Variants in UQCRB observed in about 807,000 individuals in gnomAD.
UQCRB encodes the protein cytochrome b-c1 complex subunit 7.
UQCRB carries 12 observed loss-of-function variants against 19.8 expected under a neutral mutation model. The ratio of observed to expected loss-of-function variants is 0.61; its 90% CI spans 0.39 to 0.98. The LOEUF is 0.98. UQCRB is among the 50% of genes least tolerant of loss of function. The pLI is 0.00. For synonymous variants in UQCRB, 39 were observed against 42.9 expected, an observed-to-expected ratio of 0.91 and a Z score of 0.35; for missense variants, 142 against 131.8, an observed-to-expected ratio of 1.08 and a Z score of -0.38.
chr8:96,227,802 TTAAAG>T lies in UQCRB; in HGVS notation c.*3248_*3252del, dbSNP rs1255329815. The stretch of plus-strand genomic sequence containing the variant: ...GAGTTAATGCTTGAAAAGGGAGTCC[TTAAAG>T]TAAATAACTAAATGAAATCACTACC... On this transcript the variant is annotated 3_prime_UTR_variant, in exon 4 of 4. Coordinates refer to ENST00000287022, the MANE Select transcript of UQCRB (RefSeq NM_006294.5). 4.4e-6 allele frequency: 2 copies of T among 453,548 alleles called. No individual in the cohort carries two copies. Among genetic ancestry groups the T allele is most frequent in the African/African-American group, 2.0e-5 (1 of 49,944 alleles). The allele number at this position is 453,548 out of a possible 1,614,324, so 28.1% of individuals were successfully genotyped here. A position where few individuals can be genotyped will look rare whatever the true frequency, so the allele number is the denominator to read the frequency against.
At position 96,230,625 on chromosome 8, in the gene UQCRB, T is replaced by C. The variant is rs1158741008; in HGVS notation, c.*430A>G. 3 of 456,276 alleles carry C rather than the reference T, an allele frequency of 6.6e-6. No individual in the cohort carries two copies. The East Asian group carries it at 2.1e-4, about 32-fold the overall frequency. The allele number at this position is 456,276 out of a possible 1,614,324, so 28.3% of individuals were successfully genotyped here. ...GTTGGGGTGCAGACATAATTTCTTT[T>C]TAAATGATAGGATGCAAAATCAAAT... On this transcript the variant is annotated 3_prime_UTR_variant, in exon 4 of 4. Transcript: ENST00000287022.
intron 3 of UQCRB, 46 bp downstream of exon 3, chr8:96,231,728 T>C: frequency 6.2e-7 from 1 of 1,612,534 alleles, no homozygotes; most frequent in Non-Finnish European, 8.5e-7. Flanking sequence ...TTTCTAAAAC[T>C]CCATCCTTAA....
rs1201730116 is a variant in UQCRB, at chr8:96,229,225, G to GT, written c.*1829dup. 9 of 454,004 alleles carry GT rather than the reference G, an allele frequency of 2.0e-5. No individual in the cohort carries two copies. The highest frequency in any genetic ancestry group is 1.8e-4 in the African/African-American group (9 of 50,016). 28.1% of individuals were successfully genotyped at this position (454,004 alleles called of 1,614,324 possible). Reference sequence around the variant, plus strand: ...CTTACAAAATCAGAGGTTGCCTTATGTAATACCACACTTTACCTTGAGCAG... The same window carrying GT: ...CTTACAAAATCAGAGGTTGCCTTATGTTAATACCACACTTTACCTTGAGCAG... On this transcript the variant is annotated 3_prime_UTR_variant, in exon 4 of 4. Coordinates refer to ENST00000287022, the MANE Select transcript of UQCRB (RefSeq NM_006294.5).
At chr8:96,231,686 C>CT in intron 3 of UQCRB, 88 bp downstream of exon 3, 1 of 1,571,060 alleles carries the variant, frequency 6.4e-7, no homozygotes, top group Non-Finnish European at 8.7e-7. Flanking sequence ...TCAGAGAACT[C>CT]TAACACTATG....
Position 96,229,977 on chromosome 8 carries a change from T to A in UQCRB, c.*1078A>T, listed in dbSNP as rs1407752934. The A allele has an allele frequency of 2.2e-6, 1 of 454,176 alleles. No homozygotes were observed. Among genetic ancestry groups the A allele is most frequent in the East Asian group, 6.9e-5 (1 of 14,396 alleles). The allele number at this position is 454,176 out of a possible 1,614,324, so 28.1% of individuals were successfully genotyped here. On this transcript the variant is annotated 3_prime_UTR_variant, in exon 4 of 4. Coordinates refer to ENST00000287022, the MANE Select transcript of UQCRB (RefSeq NM_006294.5). ...ACTTGTCCTGGAAAACCAGGGAGGCTGCAGGTCCTACTGTTCCTTCTCTAC... is the reference window on the plus strand; with the variant it reads ...ACTTGTCCTGGAAAACCAGGGAGGCAGCAGGTCCTACTGTTCCTTCTCTAC...
chr8:96,232,547 T>A (rs1245192224), intron 2 of UQCRB: 1 of 154,352 alleles, frequency 6.5e-6, no homozygotes, highest in Non-Finnish European at 1.4e-5. Context: ...ATTAAAATTT[T>A]AAGTGGAAGG....
At chr8:96,231,599 G>C (rs73269962) in intron 3 of UQCRB, 175 bp downstream of exon 3, 2 of 1,324,066 alleles carry the variant, frequency 1.5e-6, no homozygotes, top group African/African-American at 1.4e-5. Flanking sequence ...CATTTCACAC[G>C]TAAGACTCAA....
Position 96,225,813 on chromosome 8 carries a change from C to T in UQCRB, c.*5242G>A, listed in dbSNP as rs1809515914. 2.0e-5 allele frequency: 3 copies of T among 152,072 alleles called. No homozygotes were observed. In the South Asian group the frequency reaches 6.2e-4, roughly 31 times the overall value. The allele number at this position is 152,072 out of a possible 1,614,324, so 9.4% of individuals were successfully genotyped here. ...ACATATTTTTTGTGGACAATTCACACAGTATGTACATCTATGTTTACATAT... is the reference window on the plus strand; with the variant it reads ...ACATATTTTTTGTGGACAATTCACATAGTATGTACATCTATGTTTACATAT... On this transcript the variant is annotated 3_prime_UTR_variant, in exon 4 of 4. Coordinates refer to ENST00000287022, the MANE Select transcript of UQCRB (RefSeq NM_006294.5).
intron 1 of UQCRB, 145 bp from the exon 2 acceptor site, chr8:96,233,372 C>A: frequency 4.7e-6 from 3 of 640,284 alleles, no homozygotes; most frequent in South Asian, 2.1e-5. Context: ...GTATATACAG[C>A]AAGAATTTAA....
At chr8:96,233,897 C>T (rs1809735272) in intron 1 of UQCRB, 1 of 152,662 alleles carries the variant, frequency 6.6e-6, no homozygotes, top group South Asian at 2.1e-4. Flanking sequence ...TCCTAAGCAA[C>T]TAAGTTCCCC....
chr8:96,235,330 A>G, intron 1 of UQCRB, 182 bp downstream of exon 1: 1 of 910,538 alleles, frequency 1.1e-6, no homozygotes, highest in Non-Finnish European at 1.8e-6. Context: ...TATACAGGCA[A>G]GCCCGCCCTG....
In UQCRB at chr8:96,229,778, C is replaced by T. The variant is rs529323632; in HGVS notation, c.*1277G>A. On this transcript the variant is annotated 3_prime_UTR_variant, in exon 4 of 4. Coordinates refer to ENST00000287022, the MANE Select transcript of UQCRB (RefSeq NM_006294.5). ...CGACCAGCGAAAGGAAAAAAAAAAGCGGGGGAGGGGGTTCCTAGAGAATTT... is the reference window on the plus strand; with the variant it reads ...CGACCAGCGAAAGGAAAAAAAAAAGTGGGGGAGGGGGTTCCTAGAGAATTT... The T allele has an allele frequency of 8.4e-5, 38 of 451,956 alleles. 1 individual carries two copies. The East Asian group carries it at 1.9e-3, about 22-fold the overall frequency. The allele number at this position is 451,956 out of a possible 1,614,324, so 28.0% of individuals were successfully genotyped here. A position where few individuals can be genotyped will look rare whatever the true frequency, so the allele number is the denominator to read the frequency against.
chr8:96,234,308 A>G (rs941407933), intron 1 of UQCRB: 21 of 306,354 alleles, frequency 6.9e-5, no homozygotes, highest in African/African-American at 4.2e-4. Context: ...CCTATCAGTG[A>G]CTATAATAAT....
In UQCRB at chr8:96,230,853, T is replaced by C; in HGVS notation, c.*202A>G. The stretch of plus-strand genomic sequence containing the variant: ...AGTAGCAGTTAAACACAACTAAATA[T>C]ATCTTGAAAGTTTGGAAAAAAATTT... On this transcript the variant is annotated 3_prime_UTR_variant, in exon 4 of 4. Transcript: ENST00000287022. 1.4e-6 allele frequency: 1 copy of C among 710,226 alleles called. No homozygotes were observed. Among genetic ancestry groups the C allele is most frequent in the South Asian group, 1.5e-5 (1 of 66,966 alleles). 44.0% of individuals were successfully genotyped at this position (710,226 alleles called of 1,614,324 possible).
At position 96,224,885 on chromosome 8, in the gene UQCRB, A is replaced by C. The variant is rs893155090; in HGVS notation, c.*6170T>G. Among the ~76,000 whole-genome samples the C allele has an allele frequency of 6.6e-6, 1 of 152,244 alleles. No homozygotes were observed. The highest frequency in any genetic ancestry group is 1.5e-5 in the Non-Finnish European group (1 of 68,044). ...CAGAGGCAAAACCACAGAGGAGAGG[A>C]CTGAGAGTTTGTACTACATAAAAAT... On this transcript the variant is annotated 3_prime_UTR_variant, in exon 4 of 4. Coordinates refer to ENST00000287022, the MANE Select transcript of UQCRB (RefSeq NM_006294.5).
Position 96,227,768 on chromosome 8 carries a change from A to C in UQCRB, c.*3287T>G, listed in dbSNP as rs765535556. On this transcript the variant is annotated 3_prime_UTR_variant, in exon 4 of 4. Coordinates refer to ENST00000287022, the MANE Select transcript of UQCRB (RefSeq NM_006294.5). ...CTGCTGAATCTTTTCATAAGTCAAA[A>C]TTAGTGCAGAGTTAATGCTTGAAAA... 2.2e-5 allele frequency: 10 copies of C among 453,700 alleles called. No homozygotes were observed. The highest frequency in any genetic ancestry group is 1.6e-4 in the African/African-American group (8 of 49,998). The allele number at this position is 453,700 out of a possible 1,614,324, so 28.1% of individuals were successfully genotyped here. A position where few individuals can be genotyped will look rare whatever the true frequency, so the allele number is the denominator to read the frequency against.
chr8:96,234,477 A>T (rs1343194387), intron 1 of UQCRB: 1 of 1,288,482 alleles, frequency 7.8e-7, no homozygotes, highest in Non-Finnish European at 1.0e-6. Context: ...GATCTGGTCT[A>T]TGTAGTTCCC....
At chr8:96,232,230 CAT>C in intron 2 of UQCRB, 1 of 357,908 alleles carries the variant, frequency 2.8e-6, no homozygotes. Context: ...CCACAAAATT[CAT>C]ATTTTATCTA....
rs1809617377 is a variant in UQCRB at position 96,229,807 on chromosome 8, A to G, written c.*1248T>C. On this transcript the variant is annotated 3_prime_UTR_variant, in exon 4 of 4. Transcript: ENST00000287022. ...GGAGGGGGTTCCTAGAGAATTTAAG[A>G]GGCTAATATTTTAGCAAAAATTTAA... 2.2e-6 allele frequency: 1 copy of G among 453,622 alleles called. No homozygotes were observed. Among genetic ancestry groups the G allele is most frequent in the African/African-American group, 2.0e-5 (1 of 49,930 alleles). The allele number at this position is 453,622 out of a possible 1,614,324, so 28.1% of individuals were successfully genotyped here.
Sources: allele counts gnomAD v4.1 joint callset (sites outside exome capture counted in the v4.1 genomes callset), GRCh38; gene constraint gnomAD v4.1.1; transcripts MANE v1.5; gene names NCBI Gene and HGNC (gene_info 2026-07-23, HGNC 2026-07-21).